The following AGBL1 variants were observed in gnomAD, a reference collection of about 807,000 sequenced individuals.
AGBL1 encodes the protein AGBL carboxypeptidase 1.
A neutral mutation model predicts 118.9 loss-of-function variants in AGBL1; 130 were observed. The ratio of observed to expected loss-of-function variants is 1.09; its 90% CI spans 0.95 to 1.26. The LOEUF (loss-of-function observed/expected upper bound fraction) is 1.26, where lower values mean the gene tolerates loss of function less well. AGBL1 is among the 50% of genes most tolerant of loss of function. The pLI is 0.00. For missense variants in AGBL1, 1,584 were observed against 1,298.1 expected (o/e 1.22, Z -3.38); for synonymous variants, 555 against 478.9 (o/e 1.16, Z -2.08).
chr15:86,167,394 C>T (rs1427521317), intron 5 of AGBL1, among the ~76,000 whole-genome samples: 1 of 151,936 alleles, frequency 6.6e-6, no homozygotes, highest in Non-Finnish European at 1.5e-5. Flanking sequence ...TACAGGTGCC[C>T]ACCATCATGC....
At chr15:86,166,383 G>T (rs2077342210) in intron 5 of AGBL1, among the ~76,000 whole-genome samples, 1 of 152,172 alleles carries the variant, frequency 6.6e-6, no homozygotes. Flanking sequence ...TCCCTATCCT[G>T]TGGAAATGCC....
chr15:86,800,115 T>C (rs1237032959), intron 22 of AGBL1, among the ~76,000 whole-genome samples: 1 of 152,068 alleles, frequency 6.6e-6, no homozygotes, highest in East Asian at 1.9e-4. Context: ...ACTTTCCCTT[T>C]AGCAAAAAAC....
At chr15:86,860,567 C>T (rs1284375315) in intron 22 of AGBL1, among the ~76,000 whole-genome samples, 4 of 152,060 alleles carry the variant, frequency 2.6e-5, no homozygotes, top group Admixed American at 1.3e-4. Context: ...TTTTACACTG[C>T]CATCCAGACA....
chr15:86,256,766 T>C (rs777515011), intron 7 of AGBL1, 87 bp from the exon 8 acceptor site: 6 of 1,388,350 alleles, frequency 4.3e-6, no homozygotes, highest in Non-Finnish European at 5.9e-6. Context: ...TGTGCTGTGT[T>C]ACAGCTTGGA....
chr15:86,640,489 T>A (rs1376341724), intron 21 of AGBL1, among the ~76,000 whole-genome samples: 3 of 152,192 alleles, frequency 2.0e-5, no homozygotes, highest in African/African-American at 7.2e-5. Context: ...TAGGTAGTTA[T>A]GGGTATAAAG....
intron 22 of AGBL1, among the ~76,000 whole-genome samples, chr15:86,710,893 C>G (rs2086544523): frequency 6.6e-6 from 1 of 152,138 alleles, no homozygotes; most frequent in African/African-American, 2.4e-5. Flanking sequence ...TTTGAAACCT[C>G]AAATTTTGGA....
chr15:86,792,209 G>A (rs1319722797), intron 22 of AGBL1, among the ~76,000 whole-genome samples: 1 of 152,178 alleles, frequency 6.6e-6, no homozygotes, highest in African/African-American at 2.4e-5. Context: ...TTAGAACAGA[G>A]TACTTTACTT....
chr15:86,903,752 C>T lies in AGBL1; in HGVS notation c.3159-3335C>T, dbSNP rs868369765. Among the ~76,000 whole-genome samples, 39 of 152,282 alleles carry T rather than the reference C, an allele frequency of 2.6e-4. 1 individual carries two copies. The highest frequency in any genetic ancestry group is 6.7e-4 in the African/African-American group (28 of 41,564). ...ACCCAGTGTGGGGAGGGGCTCCTTG[C>T]TACTGCTGGGCCATGGTGGGAATTC... On this transcript the variant is annotated intron_variant, in intron 22 of 22. Transcript: ENST00000614907.
chr15:86,881,787 C>T (rs1057301554), intron 22 of AGBL1, among the ~76,000 whole-genome samples: 1 of 152,158 alleles, frequency 6.6e-6, no homozygotes, highest in African/African-American at 2.4e-5. Flanking sequence ...AGCTGTGTGC[C>T]ACCACGCCCG....
chr15:86,277,142 A>T (rs1220907446), intron 15 of AGBL1, among the ~76,000 whole-genome samples: 1 of 144,244 alleles, frequency 6.9e-6, no homozygotes, highest in Non-Finnish European at 1.5e-5. Context: ...GGTGTTTATA[A>T]TAAGATTTTT....
chr15:86,216,561 A>G (rs1392716901), intron 5 of AGBL1, among the ~76,000 whole-genome samples: 2 of 152,176 alleles, frequency 1.3e-5, no homozygotes, highest in African/African-American at 2.4e-5. Context: ...GTGGGTTACT[A>G]CATTGACTGA....
chr15:86,882,429 A>G (rs2079907762), intron 22 of AGBL1, among the ~76,000 whole-genome samples: 1 of 151,966 alleles, frequency 6.6e-6, no homozygotes, highest in Admixed American at 6.5e-5. Context: ...AAGTCACTAC[A>G]CCATTTCTCC....
At chr15:86,273,903 G>A (rs536520500) in intron 15 of AGBL1, among the ~76,000 whole-genome samples, 2 of 152,298 alleles carry the variant, frequency 1.3e-5, no homozygotes, top group South Asian at 2.1e-4. Flanking sequence ...TCTTTCAGAA[G>A]TTGAAGTTGA....
intron 9 of AGBL1, among the ~76,000 whole-genome samples, chr15:86,259,944 G>A (rs12438555): frequency 0.31 from 46,613 of 152,164 alleles, 7,714 homozygotes; most frequent in Non-Finnish European, 0.37. Flanking sequence ...CCCACGCTTT[G>A]CAGAGGATGG....
chr15:86,209,003 A>G (rs529483042), intron 5 of AGBL1, among the ~76,000 whole-genome samples: 2 of 152,078 alleles, frequency 1.3e-5, no homozygotes, highest in East Asian at 3.9e-4. Flanking sequence ...CCCAGAGATT[A>G]TGGTATGTTG....
At chr15:86,231,493 A>G (rs2141950324) in intron 6 of AGBL1, among the ~76,000 whole-genome samples, 1 of 152,362 alleles carries the variant, frequency 6.6e-6, no homozygotes, top group African/African-American at 2.4e-5. Context: ...AGATTTTTGC[A>G]TTTGTTACAC....
chr15:86,393,857 G>A (rs1390503433), intron 17 of AGBL1, among the ~76,000 whole-genome samples: 1 of 152,094 alleles, frequency 6.6e-6, no homozygotes, highest in Non-Finnish European at 1.5e-5. Context: ...GGTCATGAGG[G>A]TAGTGCCCTC....
chr15:86,104,265 T>G (rs993896898), intron 1 of AGBL1, among the ~76,000 whole-genome samples: 1 of 152,130 alleles, frequency 6.6e-6, no homozygotes, highest in African/African-American at 2.4e-5. Context: ...TAGGCAGGGA[T>G]GGGGTGATCC....
chr15:86,581,025 C>G (rs1487667849), intron 21 of AGBL1, among the ~76,000 whole-genome samples: 1 of 152,144 alleles, frequency 6.6e-6, no homozygotes, highest in Non-Finnish European at 1.5e-5. Flanking sequence ...TGGAAACTTT[C>G]CTTCACTCAC....
Sources: allele counts gnomAD v4.1 joint callset (sites outside exome capture counted in the v4.1 genomes callset), GRCh38; gene constraint gnomAD v4.1.1; transcripts MANE v1.5; gene names NCBI Gene and HGNC (gene_info 2026-07-23, HGNC 2026-07-21).